Variants in TM4SF20 observed in about 807,000 individuals in gnomAD.
The protein encoded by TM4SF20 is transmembrane 4 L6 family member 20.
Under a neutral mutation model 15.1 loss-of-function variants are expected in TM4SF20, and 13 were observed. The ratio of observed to expected loss-of-function variants is 0.86; its 90% CI spans 0.56 to 1.36. TM4SF20 has a LOEUF of 1.36. TM4SF20 is among the 40% of genes most tolerant of loss of function. The pLI is 0.00. For synonymous variants in TM4SF20, 92 were observed against 96.6 expected, an observed-to-expected ratio of 0.95 and a Z score of 0.28; for missense variants, 282 against 268.4, an observed-to-expected ratio of 1.05 and a Z score of -0.35.
intron 3 of TM4SF20, among the ~76,000 whole-genome samples, 197 bp from the exon 4 acceptor site, chr2:227,364,209 C>T (rs1179014344): frequency 1.3e-5 from 2 of 152,288 alleles, no homozygotes; most frequent in African/African-American, 4.8e-5. Flanking sequence ...TATAGCCCAT[C>T]ATTTAACAAG....
chr2:227,372,745 C>A (rs1344342922), intron 1 of TM4SF20, among the ~76,000 whole-genome samples: 2 of 152,156 alleles, frequency 1.3e-5, no homozygotes, highest in Non-Finnish European at 2.9e-5. Context: ...CACTCTGTCA[C>A]CCAGGCTGAA....
At chr2:227,374,608 A>G (rs10199193) in intron 1 of TM4SF20, among the ~76,000 whole-genome samples, 1 of 152,222 alleles carries the variant, frequency 6.6e-6, no homozygotes, top group East Asian at 1.9e-4. Flanking sequence ...GGAAAGTAAT[A>G]TTGTTGATTT....
rs1205886615 is a variant in TM4SF20 at position 227,363,078 on chromosome 2, T to C, written c.*646A>G. 3 of 152,196 alleles carry C rather than the reference T, an allele frequency of 2.0e-5. No homozygotes were observed. Among genetic ancestry groups the C allele is most frequent in the Non-Finnish European group, 4.4e-5 (3 of 68,040 alleles). 9.4% of individuals were successfully genotyped at this position (152,196 alleles called of 1,614,324 possible). ...CTGAGAATTAGATCTAAAGACTTGA[T>C]TGCATTCAGGTTATGTATTTATTCT... On this transcript the variant is annotated 3_prime_UTR_variant, in exon 4 of 4. Coordinates refer to ENST00000304568, the MANE Select transcript of TM4SF20 (RefSeq NM_024795.4).
intron 2 of TM4SF20, among the ~76,000 whole-genome samples, chr2:227,367,457 T>C (rs1356776691): frequency 6.6e-6 from 1 of 152,086 alleles, no homozygotes; most frequent in Non-Finnish European, 1.5e-5. Context: ...GTAGATTGCT[T>C]GAGCCCAGGA....
At chr2:227,370,789 A>T (rs2076416922) in intron 2 of TM4SF20, 126 bp downstream of exon 2, 3 of 780,808 alleles carry the variant, frequency 3.8e-6, no homozygotes, top group Admixed American at 1.9e-5. Context: ...CATGTTTCTA[A>T]GGCTGTGGCT....
chr2:227,379,206 T>C lies in TM4SF20; in HGVS notation c.63A>G (p.Leu21=), dbSNP rs2076467449. ...GAGGTATCGCATTGAGAACTACTCCTAACAGCAGTAGAACCAGCAGGCTGA... is the reference window on the plus strand; with the variant it reads ...GAGGTATCGCATTGAGAACTACTCCCAACAGCAGTAGAACCAGCAGGCTGA... ...NGFSLLVLLL[L]GVVLNAIPLI... The change falls in exon 1 of 4, where the codon TTA becomes TTG. Residue 21 remains leucine, a synonymous_variant. Transcript: ENST00000304568. The C allele has an allele frequency of 6.2e-7, 1 of 1,614,212 alleles. No homozygotes were observed. The highest frequency in any genetic ancestry group is 1.1e-5 in the South Asian group (1 of 91,090).
At position 227,379,127 on chromosome 2, in the gene TM4SF20, A is replaced by C. The variant is rs1349992996; in HGVS notation, c.142T>G (p.Phe48Val). The C allele has an allele frequency of 6.2e-7, 1 of 1,614,234 alleles. No homozygotes were observed. The change falls in exon 1 of 4, where the codon TTT becomes GTT. Residue 48 changes from phenylalanine to valine, a missense_variant. By Grantham distance (50) the Phe-to-Val change is conservative. Coordinates refer to ENST00000304568, the MANE Select transcript of TM4SF20 (RefSeq NM_024795.4). ...DQFSQNPISCFEWWFPGIIGA... is the reference protein window; with the variant it reads ...DQFSQNPISCVEWWFPGIIGA... The stretch of plus-strand genomic sequence containing the variant: ...ATAATTCCTGGGAACCACCACTCAA[A>C]GCAAGAGATGGGGTTTTGAGAAAAT...
At chr2:227,369,651 AT>A (rs1394447782) in intron 2 of TM4SF20, among the ~76,000 whole-genome samples, 8 of 152,072 alleles carry the variant, frequency 5.3e-5, no homozygotes. Context: ...CTGGTCTTGA[AT>A]TCTAGACCTC....
rs534350711 is a variant in TM4SF20, at chr2:227,375,850, T to C, written c.183+3236A>G. Among the ~76,000 whole-genome samples the C allele has an allele frequency of 1.1e-4, 16 of 152,328 alleles. No individual in the cohort carries two copies. In the South Asian group the frequency reaches 1.9e-3, roughly 18 times the overall value. On this transcript the variant is annotated intron_variant, in intron 1 of 3. Transcript: ENST00000304568. ...AGTTGACTTTGATGAGTTACTATTA[T>C]CTAATAAGTGAACTCAATGAATAAG...
At chr2:227,380,670 A>G (rs999860094), upstream of TM4SF20, among the ~76,000 whole-genome samples, 2 of 152,224 alleles carry the variant, frequency 1.3e-5, no homozygotes, top group Non-Finnish European at 2.9e-5. Flanking sequence ...TCTAATCTCT[A>G]CAGCGCCTTC....
chr2:227,374,700 T>C (rs1468718241), intron 1 of TM4SF20, among the ~76,000 whole-genome samples: 1 of 152,112 alleles, frequency 6.6e-6, no homozygotes, highest in Non-Finnish European at 1.5e-5. Flanking sequence ...CTTCAGACCA[T>C]TAAAAATCCT....
chr2:227,371,130 C>A (rs2076419603), intron 1 of TM4SF20, 150 bp from the exon 2 acceptor site: 5 of 698,906 alleles, frequency 7.2e-6, no homozygotes, highest in South Asian at 1.6e-5. Flanking sequence ...GTTTTGTGAA[C>A]CTTGTCATCC....
chr2:227,380,204 C>G (rs1179243067), upstream of TM4SF20, among the ~76,000 whole-genome samples: 3 of 152,222 alleles, frequency 2.0e-5, no homozygotes, highest in Admixed American at 2.0e-4. Flanking sequence ...GTGGCACATA[C>G]CTGTGATCCC....
intron 2 of TM4SF20, among the ~76,000 whole-genome samples, chr2:227,368,238 T>G (rs1239997115): frequency 4.7e-5 from 7 of 149,234 alleles, no homozygotes; most frequent in Non-Finnish European, 7.4e-5. Flanking sequence ...TTAACCAGGA[T>G]GGTCTCCATC....
At chr2:227,378,947 A>G in intron 1 of TM4SF20, 139 bp downstream of exon 1, 1 of 762,338 alleles carries the variant, frequency 1.3e-6, no homozygotes, top group Non-Finnish European at 2.1e-6. Flanking sequence ...GATGACCAAT[A>G]TAAATTAATG....
In TM4SF20 at chr2:227,366,164, T is replaced by G. The variant is rs2076391798; in HGVS notation, c.330A>C (p.Leu110Phe). The G allele has an allele frequency of 3.7e-6, 6 of 1,614,004 alleles. No individual in the cohort carries two copies. The highest frequency in any genetic ancestry group is 1.3e-5 in the African/African-American group (1 of 74,926). ...GAGAATTACACATGAGAGGACCTTT[T>G]AAGAGAGCCTGGATGGATATCAGCA... is the stretch of plus-strand genomic sequence containing the variant. ...YCMLISIQAL[L>F]KGPLMCNSPS... Residue 110 changes from leucine to phenylalanine, a missense_variant, in exon 3 of 4, where the codon TTA (leucine) becomes TTC (phenylalanine). Transcript: ENST00000304568.
At position 227,366,187 on chromosome 2, in the gene TM4SF20, G is replaced by T; in HGVS notation, c.307C>A (p.Leu103Met). The T allele has an allele frequency of 1.2e-6, 2 of 1,613,896 alleles. No individual in the cohort carries two copies. Among genetic ancestry groups the T allele is most frequent in the Non-Finnish European group, 8.5e-7 (1 of 1,179,830 alleles). ...TTTAAGAGAGCCTGGATGGATATCAGCATGCAATACAGAGCACCAATGACT... is the reference window on the plus strand; with the variant it reads ...TTTAAGAGAGCCTGGATGGATATCATCATGCAATACAGAGCACCAATGACT... Reference protein sequence around the residue: ...ITVIGALYCMLISIQALLKGP... With the variant: ...ITVIGALYCMMISIQALLKGP... Residue 103 changes from leucine to methionine, a missense_variant, in exon 3 of 4, where the codon CTG becomes ATG. Transcript: ENST00000304568.
chr2:227,374,764 C>T (rs2106494721), intron 1 of TM4SF20, among the ~76,000 whole-genome samples: 1 of 152,108 alleles, frequency 6.6e-6, no homozygotes, highest in South Asian at 2.1e-4. Flanking sequence ...ATGAGAGTAA[C>T]ACACAAAGTC....
Position 227,363,587 on chromosome 2 carries a change from T to A in TM4SF20, c.*137A>T. 3.6e-6 allele frequency: 3 copies of A among 825,388 alleles called. No individual in the cohort carries two copies. Among genetic ancestry groups the A allele is most frequent in the Non-Finnish European group, 5.6e-6 (3 of 536,546 alleles). 51.1% of individuals were successfully genotyped at this position (825,388 alleles called of 1,614,324 possible). ...ACCTTTCCCAAATCAACCACTGATA[T>A]GAGAGTGTTATGCATTTACAACGTG... is the stretch of plus-strand genomic sequence containing the variant. On this transcript the variant is annotated 3_prime_UTR_variant, in exon 4 of 4. Transcript: ENST00000304568.
Sources: allele counts gnomAD v4.1 joint callset (sites outside exome capture counted in the v4.1 genomes callset), GRCh38; gene constraint gnomAD v4.1.1; transcripts MANE v1.5; gene names NCBI Gene and HGNC (gene_info 2026-07-23, HGNC 2026-07-21).